Variants in MPPED2 observed in about 807,000 individuals in gnomAD.
MPPED2 encodes metallophosphoesterase domain containing 2.
MPPED2 carries 5 observed loss-of-function variants against 33.0 expected under a neutral mutation model. The ratio of observed to expected loss-of-function variants is 0.15; its 90% confidence interval spans 0.08 to 0.32. MPPED2 has a LOEUF of 0.32. Among genes scored for constraint, MPPED2 ranks in the 10% least tolerant of loss-of-function variants. The pLI, the probability that MPPED2 is intolerant of heterozygous loss-of-function variation, is 1.00. For synonymous variants in MPPED2, 136 were observed against 141.9 expected (o/e 0.96, Z 0.29); for missense variants, 275 against 372.1 (o/e 0.74, Z 2.15).
At chr11:30,563,724 A>G (rs1956327288) in intron 2 of MPPED2, among the ~76,000 whole-genome samples, 1 of 152,214 alleles carries the variant, frequency 6.6e-6, no homozygotes, top group African/African-American at 2.4e-5. Context: ...GGAGAAATAC[A>G]TATTGAAGAC....
intron 3 of MPPED2, among the ~76,000 whole-genome samples, chr11:30,528,160 T>A (rs1449762770): frequency 2.6e-5 from 4 of 152,016 alleles, no homozygotes; most frequent in Non-Finnish European, 5.9e-5. Flanking sequence ...CACATGCACA[T>A]CTACCACACC....
At chr11:30,455,402 A>C (rs1040202642) in intron 4 of MPPED2, among the ~76,000 whole-genome samples, 1 of 152,282 alleles carries the variant, frequency 6.6e-6, no homozygotes, top group African/African-American at 2.4e-5. Flanking sequence ...TATCATGGAA[A>C]AGAGAAGACA....
chr11:30,561,387 A>C (rs192306974), intron 2 of MPPED2, among the ~76,000 whole-genome samples: 171 of 152,296 alleles, frequency 1.1e-3, no homozygotes, highest in Middle Eastern at 3.4e-3. Flanking sequence ...CTTAATGTGA[A>C]GTTCAACAGT....
At chr11:30,498,448 G>A (rs1218025624) in intron 3 of MPPED2, among the ~76,000 whole-genome samples, 1 of 151,628 alleles carries the variant, frequency 6.6e-6, no homozygotes, top group African/African-American at 2.4e-5. Context: ...AGCCGGGTGT[G>A]GTAGCAGGAG....
intron 3 of MPPED2, among the ~76,000 whole-genome samples, chr11:30,498,243 A>G (rs1952376708): frequency 6.6e-6 from 1 of 151,990 alleles, no homozygotes; most frequent in African/African-American, 2.4e-5. Context: ...AACCAAGGCC[A>G]TATATATACT....
chr11:30,537,428 C>A (rs1279442621), intron 2 of MPPED2, among the ~76,000 whole-genome samples: 1 of 152,170 alleles, frequency 6.6e-6, no homozygotes, highest in Non-Finnish European at 1.5e-5. Context: ...CTGAAAGCTC[C>A]ACACAAGACT....
intron 3 of MPPED2, among the ~76,000 whole-genome samples, chr11:30,506,631 T>C (rs1336515161): frequency 1.3e-5 from 2 of 152,306 alleles, no homozygotes; most frequent in East Asian, 1.9e-4. Context: ...GCAAATCCTG[T>C]GTGTTTGCAT....
chr11:30,524,541 C>A (rs1954061171), intron 3 of MPPED2, among the ~76,000 whole-genome samples: 1 of 152,150 alleles, frequency 6.6e-6, no homozygotes, highest in Non-Finnish European at 1.5e-5. Flanking sequence ...CAGCATCAAC[C>A]AGCCTCAGAG....
chr11:30,482,770 T>G (rs1388074648), intron 4 of MPPED2, among the ~76,000 whole-genome samples: 1 of 152,210 alleles, frequency 6.6e-6, no homozygotes, highest in African/African-American at 2.4e-5. Flanking sequence ...TAATTATGTA[T>G]CAAGAGTTAC....
rs548886425 is a variant in MPPED2 at position 30,518,019 on chromosome 11, A to G, written c.310+17975T>C. Among the ~76,000 whole-genome samples, 39 of 102,146 alleles carry G rather than the reference A, an allele frequency of 3.8e-4. No homozygotes were observed. In the South Asian group the frequency reaches 0.012, roughly 31 times the overall value. 67.0% of individuals were successfully genotyped at this position (102,146 alleles called of 152,430 possible). The stretch of plus-strand genomic sequence containing the variant: ...TTCACACTATTACTGAACTATATCC[A>G]TGACATTTTTAAAAAAACAATTCCC... On this transcript the variant is annotated intron_variant, in intron 3 of 6. Transcript: ENST00000358117.
intron 4 of MPPED2, among the ~76,000 whole-genome samples, chr11:30,494,757 A>AAAAAAG (rs768924251): frequency 0.037 from 4,382 of 119,756 alleles, 281 homozygotes; most frequent in African/African-American, 0.14. Context: ...AAAAAAAAAA[A>AAAAAAG]AAAGAAAGAA....
intron 4 of MPPED2, among the ~76,000 whole-genome samples, chr11:30,472,252 T>C (rs977533657): frequency 6.6e-6 from 1 of 152,024 alleles, no homozygotes; most frequent in Non-Finnish European, 1.5e-5. Flanking sequence ...TCTCAACTAC[T>C]TGGGGGTCTG....
chr11:30,514,368 A>G (rs1010611271), intron 3 of MPPED2, among the ~76,000 whole-genome samples: 1 of 152,198 alleles, frequency 6.6e-6, no homozygotes, highest in African/African-American at 2.4e-5. Flanking sequence ...ACTTCATGCT[A>G]TACCTGGAAC....
chr11:30,490,551 A>T (rs1464850550), intron 4 of MPPED2, among the ~76,000 whole-genome samples: 2 of 152,054 alleles, frequency 1.3e-5, no homozygotes, highest in Admixed American at 6.6e-5. Context: ...CTTTCCTTCC[A>T]GACCTGGCAT....
intron 4 of MPPED2, among the ~76,000 whole-genome samples, chr11:30,462,887 A>G (rs915720643): frequency 1.3e-5 from 2 of 152,226 alleles, no homozygotes; most frequent in African/African-American, 4.8e-5. Context: ...TAAAAGGCAC[A>G]TATGAAGAGA....
At chr11:30,576,968 G>A (rs764029490) in intron 2 of MPPED2, among the ~76,000 whole-genome samples, 14 of 152,048 alleles carry the variant, frequency 9.2e-5, no homozygotes, top group Non-Finnish European at 2.1e-4. Context: ...AGAACTCAGA[G>A]ATGAAAACTA....
intron 2 of MPPED2, among the ~76,000 whole-genome samples, chr11:30,538,246 C>T (rs1366366611): frequency 2.6e-5 from 4 of 152,140 alleles, no homozygotes; most frequent in African/African-American, 9.7e-5. Flanking sequence ...CATACAGACA[C>T]AGCCCCATTT....
intron 4 of MPPED2, among the ~76,000 whole-genome samples, chr11:30,438,692 C>T (rs149622394): frequency 1.2e-4 from 18 of 152,314 alleles, no homozygotes; most frequent in Middle Eastern, 3.4e-3. Flanking sequence ...TTACTATTCT[C>T]GATCCTATCT....
chr11:30,552,869 C>T (rs1014590738), intron 2 of MPPED2, among the ~76,000 whole-genome samples: 2 of 152,174 alleles, frequency 1.3e-5, no homozygotes, highest in African/African-American at 4.8e-5. Flanking sequence ...AGGTACATCA[C>T]TTTTCACGAT....
Sources: gnomAD v4.1 joint callset for allele counts (sites outside exome capture counted in the v4.1 genomes callset) on GRCh38, gnomAD v4.1.1 for gene constraint, MANE v1.5 for transcripts, NCBI Gene and HGNC (gene_info 2026-07-23, HGNC 2026-07-21) for gene names.